Variants in UNC13C observed in about 807,000 individuals in gnomAD.
UNC13C encodes the protein unc-13 homolog C.
In UNC13C, 174 loss-of-function variants were observed where a neutral mutation model predicts 245.4. That is an observed-to-expected ratio of 0.71 (90% CI 0.63 to 0.80). The LOEUF is 0.80. Ranked by LOEUF, UNC13C falls within the 30% of genes least tolerant of loss-of-function variation. The pLI, the probability that UNC13C is intolerant of heterozygous loss-of-function variation, is 0.00. For synonymous variants in UNC13C, 992 were observed against 895.1 expected (o/e 1.11, Z -1.93); for missense variants, 2,829 against 2,602.9 (o/e 1.09, Z -1.89).
chr15:54,030,808 G>A (rs180755839), intron 2 of UNC13C, among the ~76,000 whole-genome samples: 10 of 152,274 alleles, frequency 6.6e-5, no homozygotes, highest in Non-Finnish European at 7.4e-5. Flanking sequence ...GTGGCAGAAG[G>A]AGGAAGTGCA....
At chr15:54,487,780 AAAAAAAAAAGACAGAGAG>A (rs1218982279) in intron 19 of UNC13C, among the ~76,000 whole-genome samples, 2 of 98,618 alleles carry the variant, frequency 2.0e-5, no homozygotes, top group African/African-American at 7.3e-5. Context: ...AAAAAAAAAA[AAAAAAAAAAGACAGAGAG>A]AGAGAAAAGA....
intron 19 of UNC13C, among the ~76,000 whole-genome samples, chr15:54,427,876 CT>C (rs1350966502): frequency 2.6e-5 from 4 of 151,646 alleles, no homozygotes; most frequent in Non-Finnish European, 5.9e-5. Flanking sequence ...CTCTGTTGTG[CT>C]TGAAAGACAG....
intron 1 of UNC13C, among the ~76,000 whole-genome samples, chr15:53,985,393 A>T (rs1416755099): frequency 6.6e-6 from 1 of 150,816 alleles, no homozygotes; most frequent in African/African-American, 2.4e-5. Context: ...GTTTTAGGGC[A>T]CATGTGCACA....
intron 2 of UNC13C, among the ~76,000 whole-genome samples, chr15:54,107,025 A>G (rs556601372): frequency 1.3e-5 from 2 of 152,364 alleles, no homozygotes; most frequent in East Asian, 3.9e-4. Flanking sequence ...AGTTTGTTTC[A>G]TAGGTTATTA....
At chr15:54,483,596 A>T (rs1251578098) in intron 19 of UNC13C, among the ~76,000 whole-genome samples, 1 of 152,138 alleles carries the variant, frequency 6.6e-6, no homozygotes, top group Non-Finnish European at 1.5e-5. Flanking sequence ...CCCGGCTTCA[A>T]GCCATTCACC....
chr15:53,955,462 T>C, the UNC13C span, among the ~76,000 whole-genome samples: 1 of 152,154 alleles, frequency 6.6e-6, no homozygotes, highest in African/African-American at 2.4e-5. Flanking sequence ...AAGATATAAG[T>C]AGGAATTGAG....
intron 17 of UNC13C, among the ~76,000 whole-genome samples, chr15:54,342,780 T>C (rs937077357): frequency 2.7e-5 from 4 of 149,212 alleles, no homozygotes; most frequent in African/African-American, 7.3e-5. Context: ...TGTTTTTTGT[T>C]TTTGTTTTTG....
chr15:53,848,367 T>G, the UNC13C span, among the ~76,000 whole-genome samples: 3 of 152,180 alleles, frequency 2.0e-5, no homozygotes, highest in Non-Finnish European at 2.9e-5. Context: ...ATTTTCTAAT[T>G]TGACTTGTGA....
intron 13 of UNC13C, among the ~76,000 whole-genome samples, chr15:54,303,991 A>T (rs1252676183): frequency 2.0e-5 from 3 of 152,102 alleles, no homozygotes; most frequent in Non-Finnish European, 4.4e-5. Context: ...TTGTATTTAT[A>T]AATCTCAGGA....
At chr15:54,555,358 C>T (rs1897043416) in intron 28 of UNC13C, 74 bp from the exon 29 acceptor site, 1 of 1,221,730 alleles carries the variant, frequency 8.2e-7, no homozygotes, top group Admixed American at 1.9e-5. Context: ...GGGGATAATA[C>T]AGATTATGTT....
chr15:54,282,389 C>T (rs936123410), intron 10 of UNC13C, among the ~76,000 whole-genome samples: 29 of 152,114 alleles, frequency 1.9e-4, no homozygotes, highest in African/African-American at 6.3e-4. Context: ...TGTCCCACTG[C>T]GCTCAACCTC....
At chr15:54,352,199 A>G (rs1158920597) in intron 17 of UNC13C, among the ~76,000 whole-genome samples, 3 of 150,946 alleles carry the variant, frequency 2.0e-5, no homozygotes, top group Non-Finnish European at 1.5e-5. Flanking sequence ...TCAGCCTTCC[A>G]GGAAATACTG....
In UNC13C at chr15:54,251,007, C is replaced by T. The variant is rs961403408; in HGVS notation, c.3448+563C>T. Among the ~76,000 whole-genome samples, 8 of 152,190 alleles carry T rather than the reference C, an allele frequency of 5.3e-5. 1 individual carries two copies. In the South Asian group the frequency reaches 1.2e-3, roughly 24 times the overall value. ...TCCTGACCTCATGATCTGCCCACCT[C>T]AGCCTCCCAAAGTGTTGGGATTACA... is the stretch of plus-strand genomic sequence containing the variant. On this transcript the variant is annotated intron_variant, in intron 8 of 32. Coordinates refer to ENST00000260323, the MANE Select transcript of UNC13C (RefSeq NM_001080534.3).
chr15:54,100,901 G>A (rs906470725), intron 2 of UNC13C, among the ~76,000 whole-genome samples: 9 of 151,814 alleles, frequency 5.9e-5, no homozygotes, highest in African/African-American at 1.7e-4. Flanking sequence ...CAAGCAGAAG[G>A]AATGAATTAC....
chr15:54,181,842 T>A (rs1282383071), intron 4 of UNC13C, among the ~76,000 whole-genome samples: 2 of 152,020 alleles, frequency 1.3e-5, no homozygotes, highest in Admixed American at 1.3e-4. Flanking sequence ...TTGAATGTTT[T>A]AGTGTTGTAT....
intron 2 of UNC13C, among the ~76,000 whole-genome samples, chr15:54,139,895 A>T (rs1216817419): frequency 3.3e-5 from 5 of 152,152 alleles, no homozygotes; most frequent in Non-Finnish European, 5.9e-5. Context: ...GATACAAATG[A>T]ATATTATAGA....
intron 4 of UNC13C, among the ~76,000 whole-genome samples, chr15:54,156,524 A>G (rs1395323844): frequency 6.6e-6 from 1 of 152,110 alleles, no homozygotes; most frequent in Non-Finnish European, 1.5e-5. Flanking sequence ...GAATCTTATA[A>G]TTTAGAAGGT....
At chr15:54,113,146 C>T (rs2029942660) in intron 2 of UNC13C, among the ~76,000 whole-genome samples, 1 of 151,926 alleles carries the variant, frequency 6.6e-6, no homozygotes, top group African/African-American at 2.4e-5. Flanking sequence ...CCTTAAATTG[C>T]AAACTCGTTG....
chr15:54,009,552 T>TC (rs1314854052), intron 1 of UNC13C, among the ~76,000 whole-genome samples: 1 of 143,806 alleles, frequency 7.0e-6, no homozygotes, highest in African/African-American at 2.9e-5. Context: ...TTCTTCTTCT[T>TC]TTTTTTTTTT....
Sources: allele counts gnomAD v4.1 joint callset (sites outside exome capture counted in the v4.1 genomes callset), GRCh38; gene constraint gnomAD v4.1.1; transcripts MANE v1.5; gene names NCBI Gene and HGNC (gene_info 2026-07-23, HGNC 2026-07-21).